WDR33: variants seen among roughly 807,000 people sequenced by gnomAD.
WDR33 encodes the protein pre-mRNA 3' end processing protein WDR33.
In WDR33, 47 loss-of-function variants were observed where a neutral mutation model predicts 164.9. The ratio of observed to expected loss-of-function variants is 0.29; its 90% CI spans 0.23 to 0.36. The LOEUF (loss-of-function observed/expected upper bound fraction) is 0.36. Among genes scored for constraint, WDR33 ranks in the 10% least tolerant of loss-of-function variants. The pLI, the probability that WDR33 is intolerant of heterozygous loss-of-function variation, is 1.00. For missense variants in WDR33, 1,137 were observed against 1,754.1 expected, an observed-to-expected ratio of 0.65 and a Z score of 6.28; for synonymous variants, 505 against 589.0, an observed-to-expected ratio of 0.86 and a Z score of 2.06.
intron 7 of WDR33, among the ~76,000 whole-genome samples, chr2:127,734,721 C>A (rs1686796777): frequency 6.6e-6 from 1 of 152,070 alleles, no homozygotes. Context: ...TTACATAGTG[C>A]TAGAACAACA....
At chr2:127,767,085 C>T (rs1032158368) in intron 4 of WDR33, among the ~76,000 whole-genome samples, 2 of 152,116 alleles carry the variant, frequency 1.3e-5, no homozygotes, top group Admixed American at 1.3e-4. Flanking sequence ...AAATAAGAGG[C>T]CTAAGACTAA....
chr2:127,737,943 CTTGGG>C, intron 7 of WDR33: 1 of 1,593,018 alleles, frequency 6.3e-7, no homozygotes, highest in South Asian at 1.1e-5. Context: ...CCAGAATCTT[CTTGGG>C]TATATTCACA....
Position 127,713,814 on chromosome 2 carries a change from CCAAAGCG to C in WDR33, c.3070_3076del (p.Arg1024AlafsTer255), listed in dbSNP as rs1434864199. On this transcript the variant is annotated frameshift_variant, in exon 18 of 22. Transcript: ENST00000322313. LOFTEE classifies it high-confidence loss of function. This position sits in a 1 kb window ranked among gnomAD's most constrained non-coding sequence, Gnocchi z 6.2. The stretch of plus-strand genomic sequence containing the variant: ...CCCCTCAAATTCACGTAACCGGTGG[CCAAAGCG>C]CTTGTCAGGGTGGAAGTCATCTGGT... The C allele has an allele frequency of 6.2e-7, 1 of 1,614,256 alleles. No homozygotes were observed. The highest frequency in any genetic ancestry group is 1.1e-5 in the South Asian group (1 of 91,092).
intron 7 of WDR33, among the ~76,000 whole-genome samples, chr2:127,752,238 G>A (rs970529847): frequency 6.6e-6 from 1 of 152,162 alleles, no homozygotes; most frequent in African/African-American, 2.4e-5. Context: ...CTTAAGGTTG[G>A]TCAGCAGGAT....
rs182404588 is a variant in WDR33 at position 127,775,451 on chromosome 2, G to A, written c.-23-4447C>T. 1.7e-4 allele frequency among the ~76,000 whole-genome samples: 26 copies of A among 152,294 alleles called. No individual in the cohort carries two copies. In the East Asian group the frequency reaches 5.0e-3, roughly 29 times the overall value. ...TGATCCACCGGCCTTGGCCTCCCAA[G>A]GTGCTGGGATTACAGGCGTGAGCCA... On this transcript the variant is annotated intron_variant, in intron 1 of 21. Transcript: ENST00000322313.
intron 21 of WDR33, among the ~76,000 whole-genome samples, chr2:127,707,341 C>G (rs1168154864): frequency 6.6e-6 from 1 of 152,068 alleles, no homozygotes; most frequent in Non-Finnish European, 1.5e-5. Context: ...ATAATGCACT[C>G]TCAGAAGATG....
chr2:127,783,962 G>A (rs1688468767), intron 1 of WDR33, among the ~76,000 whole-genome samples: 1 of 149,132 alleles, frequency 6.7e-6, no homozygotes, highest in African/African-American at 2.5e-5. Flanking sequence ...GTTTACTGTG[G>A]TATTGGATAC....
rs1408683066 is a variant in WDR33, at chr2:127,800,313, C to T, written c.-24+10699G>A. 3.3e-5 allele frequency among the ~76,000 whole-genome samples: 5 copies of T among 152,242 alleles called. No homozygotes were observed. In the East Asian group the frequency reaches 7.7e-4, roughly 24 times the overall value. On this transcript the variant is annotated intron_variant, in intron 1 of 21. Coordinates refer to ENST00000322313, the MANE Select transcript of WDR33 (RefSeq NM_018383.5). ...TTCTGATCCCAAATCACCATCAACA[C>T]TTAACAAAAATAATCTTTCTCCTTA...
At chr2:127,806,679 C>T (rs1358634421) in intron 1 of WDR33, among the ~76,000 whole-genome samples, 2 of 149,812 alleles carry the variant, frequency 1.3e-5, no homozygotes, top group Non-Finnish European at 3.0e-5. Flanking sequence ...AAAAATAGAA[C>T]TACACCAACT....
chr2:127,767,632 G>A (rs919402726), intron 4 of WDR33, among the ~76,000 whole-genome samples: 6 of 152,028 alleles, frequency 3.9e-5, no homozygotes, highest in Non-Finnish European at 7.4e-5. Flanking sequence ...GGAGAATGGC[G>A]TGAACCCGGG....
chr2:127,706,622 A>T lies in WDR33; in HGVS notation c.3782-70T>A. 7.1e-7 allele frequency: 1 copy of T among 1,402,014 alleles called. No homozygotes were observed. The highest frequency in any genetic ancestry group is 9.8e-7 in the Non-Finnish European group (1 of 1,022,578). 86.8% of individuals were successfully genotyped at this position (1,402,014 alleles called of 1,614,324 possible). A position where few individuals can be genotyped will look rare whatever the true frequency, so the allele number is the denominator to read the frequency against. ...TGTTTGTCAGTAACTCCCAGTACAA[A>T]CTTTACTCTCTGATGACAATGGACC... On this transcript the variant is annotated intron_variant, in intron 21 of 21. Transcript: ENST00000322313. The surrounding 1 kb of genome is among the most constrained non-coding windows in gnomAD (Gnocchi z 5.1).
At chr2:127,786,773 A>G (rs1688589437) in intron 1 of WDR33, among the ~76,000 whole-genome samples, 1 of 151,240 alleles carries the variant, frequency 6.6e-6, no homozygotes, top group Non-Finnish European at 1.5e-5. Context: ...TTTCTTGTAG[A>G]TTCCTTGGGA....
Position 127,764,414 on chromosome 2 carries a change from A to C in WDR33, c.626+414T>G. 2.1e-6 allele frequency: 3 copies of C among 1,446,032 alleles called. No individual in the cohort carries two copies. The highest frequency in any genetic ancestry group is 2.7e-6 in the Non-Finnish European group (3 of 1,102,438). 89.6% of individuals were successfully genotyped at this position (1,446,032 alleles called of 1,614,324 possible). On this transcript the variant is annotated intron_variant, in intron 6 of 21. Transcript: ENST00000322313. The surrounding 1 kb of genome is among the most constrained non-coding windows in gnomAD (Gnocchi z 6.2). ...CAGGTCTTCACTTAAGCCTTTTTCC[A>C]CTTTGTGTGAATTCTGAAGTTGTTT...
chr2:127,701,381 CA>C lies in WDR33; in HGVS notation c.*4941del. The C allele has an allele frequency of 1.3e-6, 1 of 759,272 alleles. No individual in the cohort carries two copies. The highest frequency in any genetic ancestry group is 1.8e-6 in the Non-Finnish European group (1 of 560,886). The allele number at this position is 759,272 out of a possible 1,614,324, so 47.0% of individuals were successfully genotyped here. ...TACTTGGGGACACCACAAAAGTCCG[CA>C]GAGCAGGCACCGCGGCACTTCCGCG... On this transcript the variant is annotated 3_prime_UTR_variant, in exon 22 of 22. Coordinates refer to ENST00000322313, the MANE Select transcript of WDR33 (RefSeq NM_018383.5).
At chr2:127,786,868 T>TTA in intron 1 of WDR33, among the ~76,000 whole-genome samples, 1 of 141,240 alleles carries the variant, frequency 7.1e-6, no homozygotes, top group Non-Finnish European at 1.5e-5. Context: ...TTTTTTAATT[T>TTA]ATTTTTTTAT....
In WDR33 at chr2:127,706,000, T is replaced by C. The variant is rs1573871483; in HGVS notation, c.*323A>G. The stretch of plus-strand genomic sequence containing the variant: ...GACAAACTGTACACATAGAAACAAA[T>C]TTCCAAATGGACAGGAACTTAAATT... On this transcript the variant is annotated 3_prime_UTR_variant, in exon 22 of 22. Coordinates refer to ENST00000322313, the MANE Select transcript of WDR33 (RefSeq NM_018383.5). The surrounding 1 kb of genome is among the most constrained non-coding windows in gnomAD (Gnocchi z 4.5). 1 of 300,026 alleles carries C rather than the reference T, an allele frequency of 3.3e-6. No homozygotes were observed. Among genetic ancestry groups the C allele is most frequent in the East Asian group, 5.4e-5 (1 of 18,396 alleles). The allele number at this position is 300,026 out of a possible 1,614,324, so 18.6% of individuals were successfully genotyped here.
chr2:127,758,665 A>G (rs949815504), intron 7 of WDR33, among the ~76,000 whole-genome samples: 25 of 152,334 alleles, frequency 1.6e-4, no homozygotes, highest in Middle Eastern at 6.8e-3. Flanking sequence ...GAAAATTAAA[A>G]ATAAAATATG....
rs922862992 is a variant in WDR33, at chr2:127,811,021, T to G, written c.-33A>C. 6.5e-6 allele frequency: 1 copy of G among 152,742 alleles called. No individual in the cohort carries two copies. The highest frequency in any genetic ancestry group is 1.5e-5 in the Non-Finnish European group (1 of 68,072). 9.5% of individuals were successfully genotyped at this position (152,742 alleles called of 1,614,324 possible). ...TCGCCGCCGCACTCACCGTCTGGCT[T>G]TGAGCAGAGCTCCTAAATGGCCAGC... On this transcript the variant is annotated 5_prime_UTR_variant, in exon 1 of 22. Transcript: ENST00000322313. This position sits in a 1 kb window ranked among gnomAD's most constrained non-coding sequence, Gnocchi z 4.1.
chr2:127,780,962 G>A (rs900396112), intron 1 of WDR33, among the ~76,000 whole-genome samples: 2 of 152,164 alleles, frequency 1.3e-5, no homozygotes, highest in East Asian at 1.9e-4. Flanking sequence ...ACAGGTTCAA[G>A]CAATTCTCCC....
Sources: allele counts gnomAD v4.1 joint callset (sites outside exome capture counted in the v4.1 genomes callset), GRCh38; gene constraint gnomAD v4.1.1; non-coding constraint Gnocchi (gnomAD v3.1); transcripts MANE v1.5; gene names NCBI Gene and HGNC (gene_info 2026-07-23, HGNC 2026-07-21).